IZUMO4: variants seen among roughly 807,000 people sequenced by gnomAD.
IZUMO4 encodes the protein IZUMO family member 4.
IZUMO4 carries 51 observed loss-of-function variants against 37.1 expected under a neutral mutation model. That is an observed-to-expected ratio of 1.38 (90% CI 1.10 to 1.74). IZUMO4 has a LOEUF of 1.74. IZUMO4 is among the 40% of genes most tolerant of loss of function. The pLI is 0.00. For missense variants in IZUMO4, 364 were observed against 299.6 expected, an observed-to-expected ratio of 1.21 and a Z score of -1.59; for synonymous variants, 162 against 121.4, an observed-to-expected ratio of 1.33 and a Z score of -2.20.
chr19:2,098,408 C>T (rs1215863212), intron 6 of IZUMO4, 28 bp from the exon 7 acceptor site: 13 of 1,613,900 alleles, frequency 8.1e-6, no homozygotes, highest in Non-Finnish European at 1.1e-5. Flanking sequence ...CACTCGGCCT[C>T]CTGAGTCCAA....
At position 2,099,072 on chromosome 19, in the gene IZUMO4, C is replaced by T. The variant is rs187252279; in HGVS notation, c.608+43C>T. ...GGGAGGCCTCGGGAGAAGGGGTGCT[C>T]GTAAGCCAACACCAGCGTGCCGCGG... On this transcript the variant is annotated intron_variant, in intron 9 of 9. Coordinates refer to ENST00000395301, the MANE Select transcript of IZUMO4 (RefSeq NM_001039846.2). 601 of 1,572,832 alleles carry T rather than the reference C, an allele frequency of 3.8e-4. 4 individuals are homozygous for T. The highest frequency in any genetic ancestry group is 2.9e-4 in the South Asian group (26 of 90,340).
At chr19:2,098,831 G>C (rs376379532) in intron 8 of IZUMO4, 27 bp downstream of exon 8, 378 of 1,588,536 alleles carry the variant, frequency 2.4e-4, no homozygotes, top group Non-Finnish European at 3.0e-4. Context: ...CTGGACTTCA[G>C]GGGGAGGGGG....
At position 2,099,301 on chromosome 19, in the gene IZUMO4, A is replaced by G. The variant is rs559832145; in HGVS notation, c.655A>G (p.Asn219Asp). ...LRCLEPPHLA[N>D]LTLEDAAECL... is the part of the protein sequence containing the mutation. ...GTGTCTGGAGCCCCCACACTTGGCC[A>G]ACCTGACCTTGGAAGATGCTGCTGA... Residue 219 changes from asparagine to aspartate, a missense_variant, in exon 10 of 10, where the codon AAC (asparagine) becomes GAC (aspartate). By Grantham distance (23) the Asn-to-Asp change is conservative. Coordinates refer to ENST00000395301, the MANE Select transcript of IZUMO4 (RefSeq NM_001039846.2). 12 of 1,613,570 alleles carry G rather than the reference A, an allele frequency of 7.4e-6. No homozygotes were observed. In the Admixed American group the frequency reaches 1.0e-4, roughly 13 times the overall value.
Position 2,099,115 on chromosome 19 carries a change from C to A in IZUMO4, c.608+86C>A, listed in dbSNP as rs1006962140. 2.8e-6 allele frequency: 4 copies of A among 1,404,596 alleles called. No individual in the cohort carries two copies. In the African/African-American group the frequency reaches 5.7e-5, roughly 20 times the overall value. 87.0% of individuals were successfully genotyped at this position (1,404,596 alleles called of 1,614,324 possible). ...TGCCGCGGCCTGCACACCCTGCTGA[C>A]ATCCCAGGCACGAGGGTGTCGTGGA... On this transcript the variant is annotated intron_variant, in intron 9 of 9. Coordinates refer to ENST00000395301, the MANE Select transcript of IZUMO4 (RefSeq NM_001039846.2).
At position 2,099,006 on chromosome 19, in the gene IZUMO4, G is replaced by A. The variant is rs770475922; in HGVS notation, c.585G>A (p.Gly195=). ...GCTCCTCTGCCTTCTCCTGGCCTGGGACACACAGAGCCACCCCGGCCTTGT... is the reference window on the plus strand; with the variant it reads ...GCTCCTCTGCCTTCTCCTGGCCTGGAACACACAGAGCCACCCCGGCCTTGT... ...RPRSSAFSWP[G]THRATPAFLV... The change falls in exon 9 of 10, where the codon GGG becomes GGA. Residue 195 remains glycine, a synonymous_variant. Transcript: ENST00000395301. The A allele has an allele frequency of 3.7e-6, 6 of 1,613,130 alleles. No homozygotes were observed. The South Asian group carries it at 4.4e-5, about 12-fold the overall frequency.
chr19:2,098,757 A>AG lies in IZUMO4; in HGVS notation c.537-26dup, dbSNP rs766286378. On this transcript the variant is annotated intron_variant, in intron 7 of 9. Transcript: ENST00000395301. Reference sequence around the variant, plus strand: ...TACGATGGTTAGGGGTGCCCCATGGAGGGGCTGACTGCCCCACATTGCCTT... The same window carrying AG: ...TACGATGGTTAGGGGTGCCCCATGGAGGGGGCTGACTGCCCCACATTGCCTT... 7 of 1,604,240 alleles carry AG rather than the reference A, an allele frequency of 4.4e-6. No homozygotes were observed. In the Admixed American group the frequency reaches 8.7e-5, roughly 20 times the overall value.
rs2017858302 is a variant in IZUMO4 at position 2,099,501 on chromosome 19, G to C, written c.*156G>C. The C allele has an allele frequency of 2.5e-5, 9 of 363,880 alleles. No individual in the cohort carries two copies. Among genetic ancestry groups the C allele is most frequent in the East Asian group, 2.4e-4 (3 of 12,746 alleles). The allele number at this position is 363,880 out of a possible 1,614,324, so 22.5% of individuals were successfully genotyped here. On this transcript the variant is annotated 3_prime_UTR_variant, in exon 10 of 10. Transcript: ENST00000395301. ...CAGGGCCAGGAGGGCGGGAGGGAGG[G>C]AATGGGGGTGGGCTGTGCGCAGCAT...
intron 9 of IZUMO4, 98 bp from the exon 10 acceptor site, chr19:2,099,157 A>G (rs2017832770): frequency 1.5e-6 from 2 of 1,375,176 alleles, no homozygotes; most frequent in South Asian, 1.2e-5. Flanking sequence ...CACACATAGG[A>G]CCACACGTCC....
intron 5 of IZUMO4, 77 bp from the exon 6 acceptor site, chr19:2,098,210 C>T (rs2017773556): frequency 6.2e-7 from 1 of 1,611,330 alleles, no homozygotes; most frequent in South Asian, 1.1e-5. Context: ...GGGCTCCCCG[C>T]CTTCCACCTG....
intron 3 of IZUMO4, 33 bp downstream of exon 3, chr19:2,097,528 T>C (rs767383748): frequency 1.3e-6 from 2 of 1,587,276 alleles, no homozygotes; most frequent in South Asian, 1.1e-5. Context: ...GAGGGAGGTG[T>C]TGCCCAGAGC....
Position 2,098,750 on chromosome 19 carries a change from C to A in IZUMO4, c.537-37C>A, listed in dbSNP as rs373283657. ...GGTTCCCTACGATGGTTAGGGGTGCCCCATGGAGGGGCTGACTGCCCCACA... is the reference window on the plus strand; with the variant it reads ...GGTTCCCTACGATGGTTAGGGGTGCACCATGGAGGGGCTGACTGCCCCACA... On this transcript the variant is annotated intron_variant, in intron 7 of 9. Coordinates refer to ENST00000395301, the MANE Select transcript of IZUMO4 (RefSeq NM_001039846.2). 2.0e-5 allele frequency: 32 copies of A among 1,605,382 alleles called. No individual in the cohort carries two copies. The Middle Eastern group carries it at 1.7e-3, about 84-fold the overall frequency.
At chr19:2,097,358 G>GCCCCCCCCCCCCCGGACCC in intron 2 of IZUMO4, 26 bp downstream of exon 2, 1 of 1,602,916 alleles carries the variant, frequency 6.2e-7, no homozygotes, top group Non-Finnish European at 8.5e-7. Flanking sequence ...CCGAGGCGGG[G>GCCCCCCCCCCCCCGGACCC]CCCCCCCACC....
intron 8 of IZUMO4, 81 bp from the exon 9 acceptor site, chr19:2,098,895 C>A: frequency 6.3e-7 from 1 of 1,574,806 alleles, no homozygotes; most frequent in South Asian, 1.1e-5. Flanking sequence ...GGGGGCACTG[C>A]AGGTGGGGCT....
In IZUMO4 at chr19:2,099,416, G is replaced by A. The variant is rs1599425834; in HGVS notation, c.*71G>A. On this transcript the variant is annotated 3_prime_UTR_variant, in exon 10 of 10. Coordinates refer to ENST00000395301, the MANE Select transcript of IZUMO4 (RefSeq NM_001039846.2). ...CTGGACAGCCCCTGCCTGTCACTCT[G>A]GAGCTGGGCTGCTGCTGCCTCAGGA... 6 of 1,156,812 alleles carry A rather than the reference G, an allele frequency of 5.2e-6. No individual in the cohort carries two copies. In the East Asian group the frequency reaches 1.3e-4, roughly 25 times the overall value. 71.7% of individuals were successfully genotyped at this position (1,156,812 alleles called of 1,614,324 possible).
chr19:2,098,906 C>T, intron 8 of IZUMO4, 70 bp from the exon 9 acceptor site: 1 of 1,585,940 alleles, frequency 6.3e-7, no homozygotes, highest in South Asian at 1.1e-5. Context: ...AGGTGGGGCT[C>T]TCCCTATACC....
At chr19:2,098,516 G>A in intron 7 of IZUMO4, 66 bp downstream of exon 7, 1 of 1,611,568 alleles carries the variant, frequency 6.2e-7, no homozygotes, top group South Asian at 1.1e-5. Flanking sequence ...GTGAGTATGT[G>A]TGGGGCACAG....
At position 2,098,066 on chromosome 19, in the gene IZUMO4, G is replaced by A. The variant is rs770476035; in HGVS notation, c.412G>A (p.Glu138Lys). The change falls in exon 5 of 10, where the codon GAG becomes AAG. Residue 138 changes from glutamate (E) to lysine (K), a missense_variant. By Grantham distance (56) the Glu-to-Lys change is moderately conservative (BLOSUM62 1). Transcript: ENST00000395301. ...ACGTGTTTCAGGCATCTTCCAGTAC[G>A]AGACCATCTCCTGCAACAACTGCAC... ...CQHRCGIFQYETISCNNCTDS... is the reference protein window; with the variant it reads ...CQHRCGIFQYKTISCNNCTDS... The A allele has an allele frequency of 9.3e-6, 15 of 1,613,312 alleles. No homozygotes were observed. Among genetic ancestry groups the A allele is most frequent in the Middle Eastern group, 1.6e-4 (1 of 6,084 alleles).
Position 2,099,293 on chromosome 19 carries a change from A to G in IZUMO4, c.647A>G (p.His216Arg). The change falls in exon 10 of 10, where the codon CAC becomes CGC. Residue 216 changes from histidine to arginine, a missense_variant. Coordinates refer to ENST00000395301, the MANE Select transcript of IZUMO4 (RefSeq NM_001039846.2). ...SPALRCLEPP[H>R]LANLTLEDAA... Reference sequence around the variant, plus strand: ...GCCTTAAGGTGTCTGGAGCCCCCACACTTGGCCAACCTGACCTTGGAAGAT... The same window carrying G: ...GCCTTAAGGTGTCTGGAGCCCCCACGCTTGGCCAACCTGACCTTGGAAGAT... 3 of 1,613,570 alleles carry G rather than the reference A, an allele frequency of 1.9e-6. No individual in the cohort carries two copies. The highest frequency in any genetic ancestry group is 1.1e-5 in the South Asian group (1 of 91,088).
At chr19:2,098,746 G>GA (rs760658092) in intron 7 of IZUMO4, 41 bp from the exon 8 acceptor site, 24 of 1,605,128 alleles carry the variant, frequency 1.5e-5, no homozygotes, top group African/African-American at 1.2e-4. Context: ...ATGGTTAGGG[G>GA]TGCCCCATGG....
Sources: allele counts gnomAD v4.1 joint callset, GRCh38; gene constraint gnomAD v4.1.1; transcripts MANE v1.5; gene names NCBI Gene and HGNC (gene_info 2026-07-23, HGNC 2026-07-21).